Variants in CDH4 observed in about 807,000 individuals in gnomAD.
CDH4 encodes cadherin-4.
Under a neutral mutation model 86.0 loss-of-function variants are expected in CDH4, and 33 were observed. The observed-to-expected ratio is 0.38, with a 90% CI of 0.29 to 0.51. The LOEUF (loss-of-function observed/expected upper bound fraction) is 0.51. Among genes scored for constraint, CDH4 ranks in the 20% least tolerant of loss-of-function variants. CDH4 has a pLI of 0.86. For synonymous variants in CDH4, 555 were observed against 549.4 expected (o/e 1.01, Z -0.14); for missense variants, 1,114 against 1,307.4 (o/e 0.85, Z 2.28).
intron 2 of CDH4, among the ~76,000 whole-genome samples, chr20:61,423,554 A>C (rs1600965211): frequency 6.6e-6 from 1 of 152,292 alleles, no homozygotes; most frequent in East Asian, 1.9e-4. Context: ...ACGCACTCGG[A>C]TGAACTTAGC....
intron 2 of CDH4, among the ~76,000 whole-genome samples, chr20:61,688,274 T>C (rs1464817355): frequency 1.3e-5 from 2 of 152,062 alleles, no homozygotes; most frequent in Non-Finnish European, 2.9e-5. Context: ...ATCAAGGGAA[T>C]TTCTCCAGCT....
chr20:61,252,457 G>T lies in CDH4; in HGVS notation c.-57G>T. The T allele has an allele frequency of 1.1e-6, 1 of 913,924 alleles. No individual in the cohort carries two copies. The allele number at this position is 913,924 out of a possible 1,614,324, so 56.6% of individuals were successfully genotyped here. A position where few individuals can be genotyped will look rare whatever the true frequency, so the allele number is the denominator to read the frequency against. On this transcript the variant is annotated 5_prime_UTR_variant, in exon 1 of 16. Coordinates refer to ENST00000614565, the MANE Select transcript of CDH4 (RefSeq NM_001794.5). The surrounding 1 kb of genome is among the most constrained non-coding windows in gnomAD (Gnocchi z 4.4). ...GGCGGTGGTCTCGGCGGCGGCGGCGGCGGCGGCGGCAGGGAGCGGGCTCCC... is the reference window on the plus strand; with the variant it reads ...GGCGGTGGTCTCGGCGGCGGCGGCGTCGGCGGCGGCAGGGAGCGGGCTCCC...
intron 2 of CDH4, among the ~76,000 whole-genome samples, chr20:61,651,560 C>G (rs1236072409): frequency 6.6e-6 from 1 of 152,202 alleles, no homozygotes; most frequent in African/African-American, 2.4e-5. Flanking sequence ...GGGTTGGACT[C>G]ACACCTGCAC....
At chr20:61,698,355 C>T (rs531764500) in intron 2 of CDH4, among the ~76,000 whole-genome samples, 13 of 152,372 alleles carry the variant, frequency 8.5e-5, no homozygotes, top group African/African-American at 2.9e-4. Flanking sequence ...AATATGGCTC[C>T]ATTCATGCAG....
intron 15 of CDH4, 93 bp downstream of exon 15, chr20:61,934,313 C>T: frequency 3.7e-6 from 5 of 1,357,802 alleles, no homozygotes; most frequent in South Asian, 1.5e-5. Flanking sequence ...TCCACAGTGC[C>T]GGCGGCTGCC....
chr20:61,916,743 G>T (rs887957323), intron 9 of CDH4, among the ~76,000 whole-genome samples: 2 of 152,234 alleles, frequency 1.3e-5, no homozygotes, highest in East Asian at 3.8e-4. Flanking sequence ...GTAGTTTATA[G>T]TCTGCAGAGG....
At chr20:61,925,553 G>A (rs1273154957) in intron 11 of CDH4, among the ~76,000 whole-genome samples, 1 of 152,230 alleles carries the variant, frequency 6.6e-6, no homozygotes, top group Non-Finnish European at 1.5e-5. Context: ...GCTGTTTGCC[G>A]AGTACCGGCC....
intron 2 of CDH4, among the ~76,000 whole-genome samples, chr20:61,288,092 G>A (rs2084302661): frequency 1.3e-5 from 2 of 152,124 alleles, no homozygotes; most frequent in Admixed American, 1.3e-4. Flanking sequence ...AAATCTGCTT[G>A]GTGAAAGAAG....
intron 3 of CDH4, among the ~76,000 whole-genome samples, chr20:61,746,238 C>G (rs1446328378): frequency 6.6e-6 from 1 of 152,248 alleles, no homozygotes; most frequent in African/African-American, 2.4e-5. Context: ...GCCTGAGGAC[C>G]CTGTCCCATG....
At position 61,902,727 on chromosome 20, in the gene CDH4, G is replaced by A. The variant is rs1352060278; in HGVS notation, c.1188+7680G>A. On this transcript the variant is annotated intron_variant, in intron 8 of 15. Transcript: ENST00000614565. The surrounding 1 kb of genome is among the most constrained non-coding windows in gnomAD (Gnocchi z 4.6). ...GGCCACAGGCTTGTTGTCGAGCCCT[G>A]ACTTCACCTATAGCAAAGAGGCTAC... 6.6e-6 allele frequency among the ~76,000 whole-genome samples: 1 copy of A among 152,220 alleles called. No individual in the cohort carries two copies. Among genetic ancestry groups the A allele is most frequent in the Admixed American group, 6.5e-5 (1 of 15,290 alleles).
At chr20:61,305,365 G>A (rs1198425895) in intron 2 of CDH4, among the ~76,000 whole-genome samples, 2 of 152,174 alleles carry the variant, frequency 1.3e-5, no homozygotes, top group Non-Finnish European at 2.9e-5. Flanking sequence ...TCAGTGTGCT[G>A]TGAACCCCCT....
At chr20:61,641,460 G>C (rs993844076) in intron 2 of CDH4, among the ~76,000 whole-genome samples, 1 of 151,944 alleles carries the variant, frequency 6.6e-6, no homozygotes, top group African/African-American at 2.4e-5. Flanking sequence ...CTACCCCAGA[G>C]CCCTCAAGGA....
At chr20:61,882,977 A>G (rs1984354587) in intron 7 of CDH4, among the ~76,000 whole-genome samples, 1 of 152,066 alleles carries the variant, frequency 6.6e-6, no homozygotes, top group South Asian at 2.1e-4. Context: ...TGCTCTGTCC[A>G]CGCCCAGAAG....
Position 61,828,058 on chromosome 20 carries a change from T to C in CDH4, c.577-16610T>C, listed in dbSNP as rs542516389. On this transcript the variant is annotated intron_variant, in intron 4 of 15. Coordinates refer to ENST00000614565, the MANE Select transcript of CDH4 (RefSeq NM_001794.5). ...CTATATGCCCACTGCCTCAAGGTAA[T>C]ATGACGGGAAGTTGCACCTCATAAA... 1.4e-3 allele frequency among the ~76,000 whole-genome samples: 215 copies of C among 152,248 alleles called. 1 individual carries two copies. The highest frequency in any genetic ancestry group is 2.4e-3 in the Non-Finnish European group (164 of 68,026).
chr20:61,871,621 T>A, intron 6 of CDH4, among the ~76,000 whole-genome samples: 1 of 152,142 alleles, frequency 6.6e-6, no homozygotes, highest in East Asian at 1.9e-4. Context: ...GAGGGGGATG[T>A]CTCTTTAGAG....
intron 2 of CDH4, among the ~76,000 whole-genome samples, chr20:61,356,718 T>C (rs2084752556): frequency 6.6e-6 from 1 of 152,214 alleles, no homozygotes; most frequent in South Asian, 2.1e-4. Flanking sequence ...TTTGCATTAG[T>C]GAAGCATGAA....
chr20:61,782,297 A>T (rs2145999840), intron 4 of CDH4, among the ~76,000 whole-genome samples: 1 of 152,280 alleles, frequency 6.6e-6, no homozygotes, highest in African/African-American at 2.4e-5. Flanking sequence ...TGACAGAGTG[A>T]TACTCTGCCT....
At chr20:61,551,083 G>A (rs971170912) in intron 2 of CDH4, among the ~76,000 whole-genome samples, 9 of 152,176 alleles carry the variant, frequency 5.9e-5, no homozygotes, top group African/African-American at 9.7e-5. Context: ...TGCAGGTAAC[G>A]GGCATTCCCT....
chr20:61,739,733 C>T (rs559398911), intron 2 of CDH4, among the ~76,000 whole-genome samples: 3 of 152,230 alleles, frequency 2.0e-5, no homozygotes, highest in Admixed American at 2.0e-4. Flanking sequence ...GGAAGGACTG[C>T]CCACTGCTGG....
Sources: gnomAD v4.1 joint callset for allele counts (sites outside exome capture counted in the v4.1 genomes callset) on GRCh38, gnomAD v4.1.1 for gene constraint, Gnocchi (gnomAD v3.1) non-coding constraint, MANE v1.5 for transcripts, NCBI Gene and HGNC (gene_info 2026-07-23, HGNC 2026-07-21) for gene names.